The following TCEA3 variants were observed in gnomAD, a reference collection of about 807,000 sequenced individuals.
TCEA3 encodes transcription elongation factor A protein 3.
In TCEA3, 36 loss-of-function variants were observed where a neutral mutation model predicts 44.0. That is an observed-to-expected ratio of 0.82 (90% confidence interval 0.63 to 1.08). The LOEUF is 1.08. TCEA3 is among the 50% of genes least tolerant of loss of function. TCEA3 has a pLI of 0.00. For synonymous variants in TCEA3, 162 were observed against 159.7 expected (o/e 1.01, Z -0.11); for missense variants, 392 against 441.2 (o/e 0.89, Z 1.00).
intron 5 of TCEA3, chr1:23,403,984 G>A (rs1472550622): frequency 1.6e-6 from 1 of 627,518 alleles, no homozygotes; most frequent in Admixed American, 2.3e-5. Flanking sequence ...ATCATCGGCC[G>A]GGGTGGGAGG....
intron 8 of TCEA3, 134 bp downstream of exon 8, chr1:23,393,745 G>T: frequency 8.5e-7 from 1 of 1,181,476 alleles, no homozygotes; most frequent in South Asian, 1.6e-5. Context: ...AGCCCAGGGG[G>T]GAGGCTGAGA....
rs71514235 is a variant in TCEA3 at position 23,424,647 on chromosome 1, G to A, written c.-14C>T. Reference sequence around the variant, plus strand: ...TTCCTGGCCCATGTTGGCCCGCGACGCCCGGCGGGGCGAGGGGCACAGGGG... The same window carrying A: ...TTCCTGGCCCATGTTGGCCCGCGACACCCGGCGGGGCGAGGGGCACAGGGG... On this transcript the variant is annotated 5_prime_UTR_variant, in exon 1 of 11. Transcript: ENST00000450454. 5.6e-6 allele frequency: 9 copies of A among 1,601,502 alleles called. No homozygotes were observed. The Admixed American group carries it at 1.0e-4, about 18-fold the overall frequency.
intron 7 of TCEA3, among the ~76,000 whole-genome samples, chr1:23,394,557 G>C (rs1639161144): frequency 6.6e-6 from 1 of 152,180 alleles, no homozygotes; most frequent in South Asian, 2.1e-4. Context: ...ACATGTTTAA[G>C]GCTCTACGAA....
At position 23,397,741 on chromosome 1, in the gene TCEA3, T is replaced by C. The variant is rs372945502; in HGVS notation, c.607+51A>G. ...TGAATTTCATCTGCCCTCAGTGAGA[T>C]TGGGAAAAGGGACTCCTTCCCTCCC... On this transcript the variant is annotated intron_variant, in intron 6 of 10. Coordinates refer to ENST00000450454, the MANE Select transcript of TCEA3 (RefSeq NM_003196.3). The C allele has an allele frequency of 1.7e-4, 268 of 1,612,614 alleles. No individual in the cohort carries two copies. In the African/African-American group the frequency reaches 2.3e-3, roughly 14 times the overall value.
intron 1 of TCEA3, chr1:23,423,764 A>G: frequency 2.2e-6 from 1 of 455,962 alleles, no homozygotes; most frequent in African/African-American, 2.0e-5. Context: ...CGCCAGCCCC[A>G]GGCAAAGATC....
At chr1:23,410,074 G>C (rs940560765) in intron 4 of TCEA3, among the ~76,000 whole-genome samples, 2 of 152,000 alleles carry the variant, frequency 1.3e-5, no homozygotes, top group African/African-American at 4.8e-5. Context: ...AGGCTGGCTG[G>C]AAGTGCTGGT....
At chr1:23,384,562 A>G (rs1638767940) in intron 9 of TCEA3, 145 bp from the exon 10 acceptor site, 5 of 730,632 alleles carry the variant, frequency 6.8e-6, no homozygotes, top group Non-Finnish European at 8.9e-6. Flanking sequence ...ATCACTGACA[A>G]CTCCATAATA....
intron 8 of TCEA3, among the ~76,000 whole-genome samples, chr1:23,392,637 TACAC>T (rs1639091882): frequency 4.8e-5 from 2 of 41,486 alleles, no homozygotes; most frequent in Non-Finnish European, 4.9e-5. Context: ...CCACACATCA[TACAC>T]ACACACTCCA....
At chr1:23,421,994 G>A (rs1640079088) in intron 1 of TCEA3, among the ~76,000 whole-genome samples, 1 of 152,190 alleles carries the variant, frequency 6.6e-6, no homozygotes, top group Non-Finnish European at 1.5e-5. Flanking sequence ...AAATGTTGCT[G>A]GGTGTATCTC....
intron 1 of TCEA3, chr1:23,419,362 C>T: frequency 2.7e-6 from 1 of 376,710 alleles, no homozygotes; most frequent in South Asian, 1.3e-4. Context: ...GAGCCAGGCT[C>T]CTGACCTCCA....
intron 5 of TCEA3, chr1:23,403,961 C>A: frequency 1.6e-6 from 1 of 609,222 alleles, no homozygotes; most frequent in South Asian, 1.9e-5. Context: ...CTGAGCCAAA[C>A]TGCAGAGAGG....
At chr1:23,388,569 C>G (rs952168001) in intron 8 of TCEA3, among the ~76,000 whole-genome samples, 3 of 152,160 alleles carry the variant, frequency 2.0e-5, no homozygotes, top group Non-Finnish European at 4.4e-5. Context: ...AAGGTCAAAG[C>G]ATTTTAGTGT....
chr1:23,418,532 G>A (rs371668211), intron 2 of TCEA3, among the ~76,000 whole-genome samples: 6 of 152,088 alleles, frequency 3.9e-5, no homozygotes, highest in Admixed American at 6.5e-5. Context: ...GGCTGGTCTC[G>A]AACTCCTGAC....
intron 8 of TCEA3, among the ~76,000 whole-genome samples, chr1:23,388,442 C>A (rs566815781): frequency 6.6e-6 from 1 of 152,200 alleles, no homozygotes; most frequent in African/African-American, 2.4e-5. Flanking sequence ...GTGATCCACC[C>A]ACCTCATCCT....
At chr1:23,384,181 TC>T (rs1638752811) in intron 10 of TCEA3, 164 bp downstream of exon 10, 1 of 1,466,480 alleles carries the variant, frequency 6.8e-7, no homozygotes, top group Non-Finnish European at 9.0e-7. Context: ...TCTCCCCACC[TC>T]CCCAACAGCA....
At chr1:23,382,630 G>A (rs1033820116) in intron 10 of TCEA3, among the ~76,000 whole-genome samples, 1 of 152,194 alleles carries the variant, frequency 6.6e-6, no homozygotes, top group African/African-American at 2.4e-5. Context: ...TTTCTAATTT[G>A]ACAAAGATGC....
chr1:23,384,382 G>A lies in TCEA3; in HGVS notation c.1002C>T (p.Thr334=), dbSNP rs866391170. 3 of 1,613,788 alleles carry A rather than the reference G, an allele frequency of 1.9e-6. No homozygotes were observed. The highest frequency in any genetic ancestry group is 2.7e-5 in the African/African-American group (2 of 74,926). The change falls in exon 10 of 11, where the codon ACC becomes ACT. Residue 334 remains threonine, a synonymous_variant. Transcript: ENST00000450454. The part of the protein sequence containing the change: ...QTRSADEPMT[T]FVLCNECGNR... Reference sequence around the variant, plus strand: ...TGCCACATTCATTGCATAAGACAAAGGTAGTCATGGGCTCATCAGCACTGC... The same window carrying A: ...TGCCACATTCATTGCATAAGACAAAAGTAGTCATGGGCTCATCAGCACTGC...
In TCEA3 at chr1:23,419,191, TCTGA is replaced by T; in HGVS notation, c.70-56_70-53del. ...GGGGCCTGGGTCCTGACCAGGCTTCTCTGACTATTGTGTGGTCTTGGTACAGAGA... is the reference window on the plus strand; with the variant it reads ...GGGGCCTGGGTCCTGACCAGGCTTCTCTATTGTGTGGTCTTGGTACAGAGA... On this transcript the variant is annotated intron_variant, in intron 1 of 10. Coordinates refer to ENST00000450454, the MANE Select transcript of TCEA3 (RefSeq NM_003196.3). 5.7e-6 allele frequency: 8 copies of T among 1,414,730 alleles called. No individual in the cohort carries two copies. The South Asian group carries it at 9.0e-5, about 16-fold the overall frequency. The allele number at this position is 1,414,730 out of a possible 1,614,324, so 87.6% of individuals were successfully genotyped here. A position where few individuals can be genotyped will look rare whatever the true frequency, so the allele number is the denominator to read the frequency against.
chr1:23,416,492 TTTTG>T (rs1345031868), intron 4 of TCEA3, among the ~76,000 whole-genome samples: 14 of 151,946 alleles, frequency 9.2e-5, no homozygotes, highest in African/African-American at 1.9e-4. Flanking sequence ...ATGTCTTGGT[TTTTG>T]TTTGTTTGTT....
Sources: gnomAD v4.1 joint callset for allele counts (sites outside exome capture counted in the v4.1 genomes callset) on GRCh38, gnomAD v4.1.1 for gene constraint, MANE v1.5 for transcripts, NCBI Gene and HGNC (gene_info 2026-07-23, HGNC 2026-07-21) for gene names.